EXOC6B: variants seen among roughly 807,000 people sequenced by gnomAD.
EXOC6B encodes SEC15 homolog B.
In EXOC6B, 54 loss-of-function variants were observed where a neutral mutation model predicts 113.5. The observed-to-expected ratio is 0.48, with a 90% confidence interval of 0.38 to 0.60. The LOEUF (loss-of-function observed/expected upper bound fraction) is 0.60, where lower values mean the gene tolerates loss of function less well. EXOC6B is among the 20% of genes least tolerant of loss of function. The pLI is 0.00. For missense variants in EXOC6B, 797 were observed against 977.5 expected (o/e 0.82, Z 2.46); for synonymous variants, 357 against 339.0 (o/e 1.05, Z -0.58).
intron 6 of EXOC6B, among the ~76,000 whole-genome samples, chr2:72,714,522 A>G (rs1303853848): frequency 6.6e-6 from 1 of 152,206 alleles, no homozygotes; most frequent in Non-Finnish European, 1.5e-5. Context: ...TCATTTGCAG[A>G]CTGAATTTAT....
chr2:72,620,054 C>T (rs1465259853), intron 6 of EXOC6B, among the ~76,000 whole-genome samples: 2 of 152,246 alleles, frequency 1.3e-5, no homozygotes, highest in African/African-American at 4.8e-5. Flanking sequence ...TCCTCCTGCT[C>T]ACTAACCCAA....
intron 2 of EXOC6B, among the ~76,000 whole-genome samples, chr2:72,737,865 A>G (rs1391646175): frequency 1.3e-5 from 2 of 152,102 alleles, no homozygotes; most frequent in African/African-American, 4.8e-5. Context: ...AAAAAAAGTT[A>G]TTTTACGGTA....
intron 1 of EXOC6B, among the ~76,000 whole-genome samples, chr2:72,813,179 TC>T (rs1194381561): frequency 6.6e-6 from 1 of 152,154 alleles, no homozygotes; most frequent in African/African-American, 2.4e-5. Context: ...AGCCTCAACC[TC>T]CTGGGCTCAG....
intron 6 of EXOC6B, among the ~76,000 whole-genome samples, chr2:72,631,426 G>GTGTATATATATATATA (rs1290760055): frequency 1.1e-4 from 3 of 28,164 alleles, no homozygotes; most frequent in Non-Finnish European, 2.1e-4. Flanking sequence ...GTGTGTGTGT[G>GTGTATATATATATATA]TATATATATA....
In EXOC6B at chr2:72,385,407, G is replaced by GA. The variant is rs996960747; in HGVS notation, c.1981-5538dup. ...AAGACCTGAAACTATGAAACTACTA[G>GA]AAAAAAAAAACAGATGAAAAAGCTC... On this transcript the variant is annotated intron_variant, in intron 18 of 21. Transcript: ENST00000272427. Among the ~76,000 whole-genome samples the GA allele has an allele frequency of 1.2e-3, 161 of 139,042 alleles. 1 individual carries two copies. The highest frequency in any genetic ancestry group is 1.3e-3 in the African/African-American group (51 of 38,042). 91.2% of individuals were successfully genotyped at this position (139,042 alleles called of 152,430 possible).
At chr2:72,340,320 G>A (rs1397990750) in intron 19 of EXOC6B, among the ~76,000 whole-genome samples, 1 of 152,046 alleles carries the variant, frequency 6.6e-6, no homozygotes, top group African/African-American at 2.4e-5. Flanking sequence ...AAAATATAAA[G>A]CTAATTTTTC....
intron 1 of EXOC6B, among the ~76,000 whole-genome samples, chr2:72,793,288 T>C (rs960900097): frequency 6.6e-6 from 1 of 152,218 alleles, no homozygotes; most frequent in African/African-American, 2.4e-5. Context: ...AGTGTGCATA[T>C]TGTGTTTCAC....
At position 72,605,299 on chromosome 2, in the gene EXOC6B, G is replaced by GA. The variant is rs770662213; in HGVS notation, c.670-29632dup. ...ACTCTGTCTCCCAAAAAAAAAAAAGGAAAAAAAAAAGAAAAAGAATCTCCA... is the reference window on the plus strand; with the variant it reads ...ACTCTGTCTCCCAAAAAAAAAAAAGGAAAAAAAAAAAGAAAAAGAATCTCCA... On this transcript the variant is annotated intron_variant, in intron 6 of 21. Transcript: ENST00000272427. 7.7e-3 allele frequency among the ~76,000 whole-genome samples: 1,112 copies of GA among 143,804 alleles called. 8 individuals carry two copies. Among genetic ancestry groups the GA allele is most frequent in the Non-Finnish European group, 0.013 (825 of 65,194 alleles). The allele number at this position is 143,804 out of a possible 152,430, so 94.3% of individuals were successfully genotyped here.
chr2:72,245,393 C>T (rs1023871802), intron 20 of EXOC6B, among the ~76,000 whole-genome samples: 8 of 150,190 alleles, frequency 5.3e-5, no homozygotes, highest in South Asian at 4.1e-4. Context: ...AGAGTCTTTT[C>T]AGCAAAAGTT....
chr2:72,443,254 C>T (rs1286961773), intron 18 of EXOC6B, among the ~76,000 whole-genome samples: 1 of 148,762 alleles, frequency 6.7e-6, no homozygotes, highest in Non-Finnish European at 1.5e-5. Flanking sequence ...ATCTGGGAGG[C>T]ACAGGTTGCA....
chr2:72,552,717 A>G (rs1703309954), intron 8 of EXOC6B, among the ~76,000 whole-genome samples: 1 of 152,072 alleles, frequency 6.6e-6, no homozygotes, highest in Admixed American at 6.5e-5. Context: ...AATAAACACA[A>G]GGATATTAAT....
At chr2:72,193,821 A>T (rs1220187582) in intron 20 of EXOC6B, among the ~76,000 whole-genome samples, 1 of 151,992 alleles carries the variant, frequency 6.6e-6, no homozygotes, top group East Asian at 1.9e-4. Flanking sequence ...TAGCCTAGAG[A>T]CTTCTCTGCT....
At chr2:72,619,617 G>A (rs1177163798) in intron 6 of EXOC6B, among the ~76,000 whole-genome samples, 1 of 152,140 alleles carries the variant, frequency 6.6e-6, no homozygotes, top group Non-Finnish European at 1.5e-5. Context: ...GATCTTTGAA[G>A]AGAAAACATC....
chr2:72,401,996 T>G (rs1318141844), intron 18 of EXOC6B, among the ~76,000 whole-genome samples: 1 of 151,740 alleles, frequency 6.6e-6, no homozygotes, highest in Non-Finnish European at 1.5e-5. Context: ...GAAAAAATAA[T>G]TTTTTAGACA....
chr2:72,733,170 G>T, intron 2 of EXOC6B, 52 bp from the exon 3 acceptor site: 1 of 1,280,822 alleles, frequency 7.8e-7, no homozygotes, highest in Non-Finnish European at 1.1e-6. Flanking sequence ...TTAGACAATA[G>T]TTGAAAAAGA....
chr2:72,212,736 C>A (rs2104390830), intron 20 of EXOC6B, among the ~76,000 whole-genome samples: 1 of 152,276 alleles, frequency 6.6e-6, no homozygotes, highest in East Asian at 1.9e-4. Flanking sequence ...TTCTCTATCT[C>A]CACTATAAAG....
At chr2:72,250,991 T>C (rs925039919) in intron 20 of EXOC6B, among the ~76,000 whole-genome samples, 1 of 151,888 alleles carries the variant, frequency 6.6e-6, no homozygotes, top group Non-Finnish European at 1.5e-5. Flanking sequence ...AGTAGTTGGC[T>C]AATTTTGTGT....
At chr2:72,621,486 A>G (rs970013975) in intron 6 of EXOC6B, among the ~76,000 whole-genome samples, 1 of 152,136 alleles carries the variant, frequency 6.6e-6, no homozygotes, top group South Asian at 2.1e-4. Flanking sequence ...TGGGAAAAAT[A>G]AACACTGTGG....
chr2:72,253,363 G>A (rs543855870), intron 20 of EXOC6B, among the ~76,000 whole-genome samples: 4 of 152,298 alleles, frequency 2.6e-5, no homozygotes, highest in Non-Finnish European at 5.9e-5. Context: ...TCAAAGGAAT[G>A]AAAATCATTC....
Sources: gnomAD v4.1 joint callset for allele counts (sites outside exome capture counted in the v4.1 genomes callset) on GRCh38, gnomAD v4.1.1 for gene constraint, MANE v1.5 for transcripts, NCBI Gene and HGNC (gene_info 2026-07-23, HGNC 2026-07-21) for gene names.